C19orf18: variants seen among roughly 807,000 people sequenced by gnomAD.
The protein encoded by C19orf18 is uncharacterized protein C19orf18.
A neutral mutation model predicts 23.3 loss-of-function variants in C19orf18; 21 were observed. The observed-to-expected ratio is 0.90, with a 90% CI of 0.64 to 1.30. The LOEUF is 1.30. C19orf18 is among the 50% of genes most tolerant of loss of function. The pLI is 0.00. For synonymous variants in C19orf18, 96 were observed against 95.2 expected (o/e 1.01, Z -0.05); for missense variants, 249 against 259.6 (o/e 0.96, Z 0.28).
At chr19:57,958,806 T>C in intron 5 of C19orf18, 89 bp from the exon 6 acceptor site, 1 of 660,094 alleles carries the variant, frequency 1.5e-6, no homozygotes, top group East Asian at 3.0e-5. Flanking sequence ...CCTGGAAAAA[T>C]AGAGGTACCA....
At chr19:57,965,732 A>G (rs1041463639) in intron 4 of C19orf18, among the ~76,000 whole-genome samples, 2 of 152,114 alleles carry the variant, frequency 1.3e-5, no homozygotes, top group African/African-American at 4.8e-5. Context: ...CTGGGCAACA[A>G]GAGCGAAACT....
At position 57,974,441 on chromosome 19, in the gene C19orf18, A is replaced by G; in HGVS notation, c.-9T>C. 1.2e-6 allele frequency: 2 copies of G among 1,613,270 alleles called. No individual in the cohort carries two copies. Among genetic ancestry groups the G allele is most frequent in the Non-Finnish European group, 1.7e-6 (2 of 1,179,866 alleles). ...CTCTGAACCTTGTCCATCACTCTCA[A>G]ATTATCAGTATTTTATCCCGTAGAT... On this transcript the variant is annotated 5_prime_UTR_variant, in exon 1 of 6. Coordinates refer to ENST00000314391, the MANE Select transcript of C19orf18 (RefSeq NM_152474.5).
chr19:57,969,595 A>G (rs1186798883), intron 3 of C19orf18, among the ~76,000 whole-genome samples: 1 of 132,680 alleles, frequency 7.5e-6, no homozygotes, highest in East Asian at 2.2e-4. Flanking sequence ...AAAAAAAAAA[A>G]ACCAAGAAAA....
chr19:57,969,584 A>AAAAAAAAAAAAAAAC, intron 3 of C19orf18, among the ~76,000 whole-genome samples: 1 of 141,846 alleles, frequency 7.0e-6, no homozygotes, highest in Non-Finnish European at 1.6e-5. Flanking sequence ...AAAAAAAAAA[A>AAAAAAAAAAAAAAAC]AAAAAAAAAA....
chr19:57,966,236 C>T (rs951680316), intron 4 of C19orf18, among the ~76,000 whole-genome samples: 2 of 152,160 alleles, frequency 1.3e-5, no homozygotes, highest in Non-Finnish European at 2.9e-5. Flanking sequence ...CTCGGCCTTC[C>T]AAAGTGCTGG....
intron 3 of C19orf18, 131 bp from the exon 4 acceptor site, chr19:57,966,763 G>GTTT: frequency 1.7e-6 from 1 of 586,352 alleles, no homozygotes; most frequent in East Asian, 3.0e-5. Context: ...AGCTTGTTTT[G>GTTT]TTTTTTTTTG....
chr19:57,963,604 T>C (rs1176175094), intron 4 of C19orf18, among the ~76,000 whole-genome samples: 2 of 152,092 alleles, frequency 1.3e-5, no homozygotes, highest in Non-Finnish European at 2.9e-5. Context: ...ATATTTTATC[T>C]AGGCCAAGCA....
intron 5 of C19orf18, among the ~76,000 whole-genome samples, chr19:57,959,889 CAATTGA>C (rs1389008444): frequency 6.6e-6 from 1 of 150,436 alleles, no homozygotes; most frequent in Non-Finnish European, 1.5e-5. Flanking sequence ...GCGGGTGGAT[CAATTGA>C]GGTCAGGAGT....
intron 5 of C19orf18, among the ~76,000 whole-genome samples, chr19:57,961,183 A>G (rs774352976): frequency 1.1e-4 from 17 of 151,834 alleles, no homozygotes; most frequent in Non-Finnish European, 1.8e-4. Flanking sequence ...TGCAGTGAGC[A>G]GAGATCGCGC....
chr19:57,964,429 G>A (rs1039195581), intron 4 of C19orf18, among the ~76,000 whole-genome samples: 3 of 152,188 alleles, frequency 2.0e-5, no homozygotes, highest in Admixed American at 6.5e-5. Flanking sequence ...CTACAGGTGC[G>A]TGCTACCACA....
Position 57,958,736 on chromosome 19 carries a change from G to C in C19orf18, c.533-19C>G, listed in dbSNP as rs1296407914. 1.0e-5 allele frequency: 14 copies of C among 1,367,396 alleles called. No homozygotes were observed. In the South Asian group the frequency reaches 1.4e-4, roughly 14 times the overall value. 84.7% of individuals were successfully genotyped at this position (1,367,396 alleles called of 1,614,324 possible). On this transcript the variant is annotated intron_variant, in intron 5 of 5. Coordinates refer to ENST00000314391, the MANE Select transcript of C19orf18 (RefSeq NM_152474.5). ...ATAATAACTAAAATGTAGAAATGAT[G>C]TTATTGAGATAGTAATAAGTGAGGA...
intron 3 of C19orf18, among the ~76,000 whole-genome samples, chr19:57,969,576 A>G (rs1460546558): frequency 8.0e-6 from 1 of 124,976 alleles, no homozygotes; most frequent in African/African-American, 2.6e-5. Flanking sequence ...GAAAAAAAAA[A>G]AAAAAAAAAA....
chr19:57,969,567 A>G (rs10410986), intron 3 of C19orf18, among the ~76,000 whole-genome samples: 534 of 9,620 alleles, frequency 0.056, 9 homozygotes, highest in African/African-American at 0.22. Flanking sequence ...AAAAAAACAG[A>G]AAAAAAAAAA....
Position 57,961,351 on chromosome 19 carries a change from G to A in C19orf18, c.532+40C>T, listed in dbSNP as rs745754458. The A allele has an allele frequency of 2.0e-6, 3 of 1,537,926 alleles. No individual in the cohort carries two copies. The South Asian group carries it at 3.7e-5, about 19-fold the overall frequency. On this transcript the variant is annotated intron_variant, in intron 5 of 5. Transcript: ENST00000314391. Reference sequence around the variant, plus strand: ...AAAGAAACGCAAGCTGCCGCTGCCAGCTTGGCTTTCCTGCGAATAGCTCTT... The same window carrying A: ...AAAGAAACGCAAGCTGCCGCTGCCAACTTGGCTTTCCTGCGAATAGCTCTT...
chr19:57,961,167 G>A (rs976064790), intron 5 of C19orf18, among the ~76,000 whole-genome samples: 40 of 151,944 alleles, frequency 2.6e-4, no homozygotes, highest in African/African-American at 7.5e-4. Context: ...TCTGGGAGGC[G>A]GAGCTTGCAG....
intron 3 of C19orf18, 66 bp from the exon 4 acceptor site, chr19:57,966,698 A>G: frequency 9.1e-7 from 1 of 1,102,982 alleles, no homozygotes; most frequent in Non-Finnish European, 1.4e-6. Flanking sequence ...TTCAGTTAAT[A>G]TATTTGTCCT....
At chr19:57,964,743 T>C (rs895894183) in intron 4 of C19orf18, among the ~76,000 whole-genome samples, 6 of 152,206 alleles carry the variant, frequency 3.9e-5, no homozygotes, top group African/African-American at 1.2e-4. Flanking sequence ...AGAAAATATC[T>C]CACACATGGC....
chr19:57,969,566 GAAAA>G (rs59100128), intron 3 of C19orf18, among the ~76,000 whole-genome samples: 142 of 46,496 alleles, frequency 3.1e-3, no homozygotes, highest in Admixed American at 5.8e-3. Flanking sequence ...AAAAAAAACA[GAAAA>G]AAAAAAAAAA....
intron 3 of C19orf18, among the ~76,000 whole-genome samples, chr19:57,968,210 G>GT (rs2072921288): frequency 6.6e-6 from 1 of 152,222 alleles, no homozygotes; most frequent in African/African-American, 2.4e-5. Flanking sequence ...GACTTCTACT[G>GT]TAAGGGTGCT....
Sources: allele counts gnomAD v4.1 joint callset (sites outside exome capture counted in the v4.1 genomes callset), GRCh38; gene constraint gnomAD v4.1.1; transcripts MANE v1.5; gene names NCBI Gene and HGNC (gene_info 2026-07-23, HGNC 2026-07-21).